The following ATXN7L3 variants were observed in gnomAD, a reference collection of about 807,000 sequenced individuals.
ATXN7L3 encodes the protein ataxin 7 like 3, also known as ataxin-7-like protein 3.
A neutral mutation model predicts 50.0 loss-of-function variants in ATXN7L3; 6 were observed. The ratio of observed to expected loss-of-function variants is 0.12; its 90% CI spans 0.07 to 0.24. The LOEUF (loss-of-function observed/expected upper bound fraction) is 0.24, where lower values mean the gene tolerates loss of function less well. ATXN7L3 is among the 10% of genes least tolerant of loss of function. The pLI, the probability that ATXN7L3 is intolerant of heterozygous loss-of-function variation, is 1.00. For missense variants in ATXN7L3, 322 were observed against 451.3 expected (o/e 0.71, Z 2.60); for synonymous variants, 198 against 165.8 (o/e 1.19, Z -1.49).
intron 2 of ATXN7L3, 93 bp from the exon 3 acceptor site, chr17:44,197,823 A>T: frequency 6.3e-7 from 1 of 1,579,310 alleles, no homozygotes; most frequent in Admixed American, 1.8e-5. Flanking sequence ...CCCAGCCAAA[A>T]ATCATGCTTT....
chr17:44,195,750 C>G (rs933214677), intron 8 of ATXN7L3, 50 bp downstream of exon 8: 1 of 1,553,760 alleles, frequency 6.4e-7, no homozygotes, highest in Admixed American at 1.7e-5. Context: ...ATCCCCACCA[C>G]CTCACAACCA....
Position 44,195,816 on chromosome 17 carries a change from T to C in ATXN7L3, c.536A>G (p.Asn179Ser), listed in dbSNP as rs757947418. 2.5e-6 allele frequency: 4 copies of C among 1,611,298 alleles called. No homozygotes were observed. The highest frequency in any genetic ancestry group is 2.2e-5 in the East Asian group (1 of 44,858). ...CATACTCACCTTAAAAGGATCCGAATTGCTAAGTTCCCCTGAAGAAGAAAA... is the reference window on the plus strand; with the variant it reads ...CATACTCACCTTAAAAGGATCCGAACTGCTAAGTTCCCCTGAAGAAGAAAA... ...SLKHKNGELS[N>S]SDPFKYNNST... Residue 179 changes from asparagine (N) to serine (S), a missense_variant, in exon 8 of 13, where the codon AAT becomes AGT. Physicochemically the swap from Asn to Ser is conservative, Grantham distance 46. Around this residue, in one of 5 missense-constraint regions of ATXN7L3, gnomAD observed 95 missense variants for 98.1 expected, o/e 0.97. Transcript: ENST00000587097.
In ATXN7L3 at chr17:44,195,604, G is replaced by A; in HGVS notation, c.553-117C>T. ...CTAAGTGAGGCTTTAGAACGACCCT[G>A]CCGTTTTCCAAGTGATTTCTCTCAT... is the stretch of plus-strand genomic sequence containing the variant. On this transcript the variant is annotated intron_variant, in intron 8 of 12. Transcript: ENST00000587097. 4 of 1,265,514 alleles carry A rather than the reference G, an allele frequency of 3.2e-6. No individual in the cohort carries two copies. The Admixed American group carries it at 5.7e-5, about 18-fold the overall frequency. The allele number at this position is 1,265,514 out of a possible 1,614,324, so 78.4% of individuals were successfully genotyped here.
At chr17:44,195,765 A>G (rs2055863722) in intron 8 of ATXN7L3, 35 bp downstream of exon 8, 2 of 1,572,992 alleles carry the variant, frequency 1.3e-6, no homozygotes, top group Non-Finnish European at 1.7e-6. Context: ...CAACCAGGAC[A>G]ATGAGAGCAA....
chr17:44,197,064 G>A (rs754361073), intron 4 of ATXN7L3, 38 bp from the exon 5 acceptor site: 11 of 1,570,646 alleles, frequency 7.0e-6, no homozygotes, highest in Non-Finnish European at 9.6e-6. Flanking sequence ...CCAAGGGGAA[G>A]GAAGAGAAAG....
chr17:44,198,328 T>TC (rs2055998728), intron 1 of ATXN7L3, 198 bp from the exon 2 acceptor site: 2 of 473,522 alleles, frequency 4.2e-6, no homozygotes, highest in African/African-American at 4.0e-5. Flanking sequence ...AGGCCTGAGC[T>TC]CAGGCCCTGG....
intron 1 of ATXN7L3, chr17:44,198,839 C>T (rs1224236462): frequency 6.5e-6 from 1 of 152,680 alleles, no homozygotes; most frequent in African/African-American, 2.4e-5. Context: ...CCCTCAGGAC[C>T]AGCCCGGAAG....
chr17:44,194,406 T>A lies in ATXN7L3; in HGVS notation c.901A>T (p.Asn301Tyr). The A allele has an allele frequency of 6.2e-7, 1 of 1,614,100 alleles. No individual in the cohort carries two copies. The highest frequency in any genetic ancestry group is 8.5e-7 in the Non-Finnish European group (1 of 1,180,012). The part of the protein sequence containing the change: ...SENQGWGLGT[N>Y]SSESRKTKKK... ...TTGGTTTTCCGTGACTCAGAGCTGT[T>A]GGTACCTGTAGAGAAAGAGACACAA... The change falls in exon 13 of 13, where the codon AAC becomes TAC. Residue 301 changes from asparagine to tyrosine, a missense_variant. This residue lies in a region of ATXN7L3 where 122 missense variants were observed against 130.8 expected (regional missense o/e 0.93). Transcript: ENST00000587097.
Position 44,195,357 on chromosome 17 carries a change from G to T in ATXN7L3, c.621+62C>A. ...GGTCACCAGCTTCCTCCCAGGCCTTGACCACTGCCTATGGCTCCAGCCCAC... is the reference window on the plus strand; with the variant it reads ...GGTCACCAGCTTCCTCCCAGGCCTTTACCACTGCCTATGGCTCCAGCCCAC... On this transcript the variant is annotated intron_variant, in intron 9 of 12. Coordinates refer to ENST00000587097, the MANE Select transcript of ATXN7L3 (RefSeq NM_001382309.1). 3 of 1,545,500 alleles carry T rather than the reference G, an allele frequency of 1.9e-6. No individual in the cohort carries two copies. The South Asian group carries it at 3.4e-5, about 17-fold the overall frequency.
intron 3 of ATXN7L3, 70 bp from the exon 4 acceptor site, chr17:44,197,469 C>A: frequency 6.4e-7 from 1 of 1,572,520 alleles, no homozygotes; most frequent in African/African-American, 1.3e-5. Flanking sequence ...TGGGGTCCCA[C>A]GGCCTCTTCA....
Position 44,192,252 on chromosome 17 carries a change from T to A in ATXN7L3, c.*2011A>T, listed in dbSNP as rs2037302597. The stretch of plus-strand genomic sequence containing the variant: ...AGGAAAAGGGTTTGTTCCCTCAGGG[T>A]CCCTGCTGGACCAAGCCCATCTCTT... On this transcript the variant is annotated 3_prime_UTR_variant, in exon 13 of 13. Transcript: ENST00000587097. The A allele has an allele frequency of 6.6e-6, 1 of 152,142 alleles. No individual in the cohort carries two copies. Among genetic ancestry groups the A allele is most frequent in the South Asian group, 2.1e-4 (1 of 4,834 alleles). The allele number at this position is 152,142 out of a possible 1,614,324, so 9.4% of individuals were successfully genotyped here.
chr17:44,196,884 C>G, intron 5 of ATXN7L3, 45 bp downstream of exon 5: 1 of 1,432,502 alleles, frequency 7.0e-7, no homozygotes. Flanking sequence ...TCCTGCTTCC[C>G]ACCTCATCCC....
intron 2 of ATXN7L3, 26 bp from the exon 3 acceptor site, chr17:44,197,756 G>C (rs73316171): frequency 6.2e-7 from 1 of 1,614,126 alleles, no homozygotes; most frequent in Non-Finnish European, 8.5e-7. Flanking sequence ...GAACATCTAC[G>C]GTCACAAGAG....
At chr17:44,195,615 A>C in intron 8 of ATXN7L3, 128 bp from the exon 9 acceptor site, 4 of 1,238,604 alleles carry the variant, frequency 3.2e-6, no homozygotes, top group Non-Finnish European at 4.7e-6. Context: ...CCGTTTTCCA[A>C]GTGATTTCTC....
chr17:44,192,958 T>A lies in ATXN7L3; in HGVS notation c.*1305A>T, dbSNP rs985094323. 1.3e-5 allele frequency: 2 copies of A among 152,374 alleles called. No individual in the cohort carries two copies. The highest frequency in any genetic ancestry group is 4.8e-5 in the African/African-American group (2 of 41,418). 9.4% of individuals were successfully genotyped at this position (152,374 alleles called of 1,614,324 possible). On this transcript the variant is annotated 3_prime_UTR_variant, in exon 13 of 13. Transcript: ENST00000587097. Reference sequence around the variant, plus strand: ...GCTCTGCTCCCAGCCCAGGTCGCGGTCCTCCAGCTTGGCTCCTGGGAGTGG... The same window carrying A: ...GCTCTGCTCCCAGCCCAGGTCGCGGACCTCCAGCTTGGCTCCTGGGAGTGG...
chr17:44,198,389 AG>A, intron 1 of ATXN7L3: 1 of 343,666 alleles, frequency 2.9e-6, no homozygotes, highest in Admixed American at 4.5e-5. Flanking sequence ...AGCTCACCCT[AG>A]GTCCCCAAAA....
At chr17:44,196,226 T>TCCCCCCCCCCCCCAGACCCCC in intron 6 of ATXN7L3, 147 bp from the exon 7 acceptor site, 1 of 737,700 alleles carries the variant, frequency 1.4e-6, no homozygotes, top group Non-Finnish European at 2.1e-6. Flanking sequence ...CCATGTGCCC[T>TCCCCCCCCCCCCCAGACCCCC]CCCCCACCCC....
chr17:44,194,886 G>T lies in ATXN7L3; in HGVS notation c.666-47C>A, dbSNP rs1278637361. On this transcript the variant is annotated intron_variant, in intron 10 of 12. Coordinates refer to ENST00000587097, the MANE Select transcript of ATXN7L3 (RefSeq NM_001382309.1). ...GAGGGTTCTGAGGAACTCAGGTAAA[G>T]CCCCTCCCCTCGGCAAGGCAGGAGC... The T allele has an allele frequency of 2.5e-6, 4 of 1,601,126 alleles. No homozygotes were observed. In the African/African-American group the frequency reaches 4.0e-5, roughly 16 times the overall value.
intron 8 of ATXN7L3, 150 bp downstream of exon 8, chr17:44,195,650 G>A: frequency 3.4e-6 from 4 of 1,167,466 alleles, no homozygotes; most frequent in Non-Finnish European, 5.0e-6. Flanking sequence ...AATGGATAAG[G>A]GGTGGGACTC....
Sources: allele counts gnomAD v4.1 joint callset, GRCh38; gene constraint gnomAD v4.1.1; regional missense constraint gnomAD v4.1.1; transcripts MANE v1.5; gene names NCBI Gene and HGNC (gene_info 2026-07-23, HGNC 2026-07-21).